HSF2BP: variants seen among roughly 807,000 people sequenced by gnomAD.
HSF2BP encodes heat shock factor 2-binding protein.
HSF2BP carries 35 observed loss-of-function variants against 35.0 expected under a neutral mutation model. The observed-to-expected ratio is 1.00, with a 90% CI of 0.76 to 1.32. The LOEUF is 1.32. HSF2BP is among the 40% of genes most tolerant of loss of function. The probability of loss-of-function intolerance (pLI) is 0.00; values close to 1 mark genes in which losing one functional copy is unlikely to be tolerated. For synonymous variants in HSF2BP, 114 were observed against 117.4 expected (o/e 0.97, Z 0.18); for missense variants, 326 against 321.7 (o/e 1.01, Z -0.10).
intron 7 of HSF2BP, among the ~76,000 whole-genome samples, chr21:43,594,646 G>C (rs1217938857): frequency 6.6e-6 from 1 of 151,558 alleles, no homozygotes; most frequent in East Asian, 1.9e-4. Flanking sequence ...AGACCCTGTT[G>C]AAAGAAAGAA....
chr21:43,620,167 T>C (rs2082315633), intron 6 of HSF2BP, among the ~76,000 whole-genome samples: 1 of 152,188 alleles, frequency 6.6e-6, no homozygotes. Context: ...TAAATACTCT[T>C]TCAATGCAAA....
chr21:43,628,496 A>T (rs1435855361), intron 6 of HSF2BP, among the ~76,000 whole-genome samples: 1 of 152,260 alleles, frequency 6.6e-6, no homozygotes, highest in Non-Finnish European at 1.5e-5. Context: ...GCTGCAGAAG[A>T]AAAGCTGGAA....
At chr21:43,642,874 A>ACTG (rs1225474258) in intron 4 of HSF2BP, among the ~76,000 whole-genome samples, 28 of 137,330 alleles carry the variant, frequency 2.0e-4, no homozygotes, top group African/African-American at 7.8e-4. Context: ...ATTTCGGCTC[A>ACTG]CTGCAACCTC....
chr21:43,576,830 C>G (rs1221820085), intron 8 of HSF2BP, among the ~76,000 whole-genome samples: 1 of 152,130 alleles, frequency 6.6e-6, no homozygotes, highest in African/African-American at 2.4e-5. Context: ...CCTCAATTCC[C>G]AATTTCACTT....
At chr21:43,653,735 T>C (rs2082828173) in intron 3 of HSF2BP, among the ~76,000 whole-genome samples, 1 of 152,076 alleles carries the variant, frequency 6.6e-6, no homozygotes, top group Non-Finnish European at 1.5e-5. Context: ...CAGGCTACAG[T>C]GTGTCTGAGG....
intron 3 of HSF2BP, among the ~76,000 whole-genome samples, chr21:43,651,796 C>T (rs1305388123): frequency 6.6e-6 from 1 of 152,148 alleles, no homozygotes; most frequent in Non-Finnish European, 1.5e-5. Flanking sequence ...TCCCCTTCTC[C>T]TCCTAACAAA....
intron 2 of HSF2BP, 171 bp downstream of exon 2, chr21:43,657,890 C>T: frequency 1.0e-6 from 1 of 985,486 alleles, no homozygotes; most frequent in Non-Finnish European, 1.2e-6. Context: ...GCCTCCCGCC[C>T]CAGGTCTCCA....
Position 43,613,882 on chromosome 21 carries a change from T to C in HSF2BP, c.640A>G (p.Ile214Val). 1.2e-6 allele frequency: 2 copies of C among 1,613,940 alleles called. No individual in the cohort carries two copies. The highest frequency in any genetic ancestry group is 1.7e-6 in the Non-Finnish European group (2 of 1,179,942). Residue 214 changes from isoleucine (I) to valine (V), a missense_variant, in exon 7 of 9, where the codon ATA becomes GTA. Physicochemically the swap from Ile to Val is conservative, Grantham distance 29 (BLOSUM62 3). Coordinates refer to ENST00000291560, the MANE Select transcript of HSF2BP (RefSeq NM_007031.2). ...TTCAAGTCTCCCAGAAGCTGCAATA[T>C]GGTGTCCAAGAGCACCCGGCTTGAA... ...VNSSRVLLDT[I>V]LQLLGDLKPG...
intron 7 of HSF2BP, among the ~76,000 whole-genome samples, chr21:43,606,545 A>G (rs2082137701): frequency 6.6e-6 from 1 of 152,216 alleles, no homozygotes; most frequent in Non-Finnish European, 1.5e-5. Flanking sequence ...AATGTTTACC[A>G]GACAGTCCAC....
rs186940241 is a variant in HSF2BP, at chr21:43,591,271, A to G, written c.796+954T>C. Among the ~76,000 whole-genome samples, 802 of 152,336 alleles carry G rather than the reference A, an allele frequency of 5.3e-3. 3 individuals are homozygous for G. The highest frequency in any genetic ancestry group is 7.7e-3 in the Non-Finnish European group (523 of 68,038). ...TTTTTAAAGAAATTTTAAAACACAC[A>G]CATACTATACATGTGTACTTCTCTT... On this transcript the variant is annotated intron_variant, in intron 8 of 8. Coordinates refer to ENST00000291560, the MANE Select transcript of HSF2BP (RefSeq NM_007031.2).
chr21:43,581,734 C>T (rs1056889574), intron 8 of HSF2BP, among the ~76,000 whole-genome samples: 1 of 152,178 alleles, frequency 6.6e-6, no homozygotes, highest in Non-Finnish European at 1.5e-5. Flanking sequence ...GAGCACACAC[C>T]CACCACTAAA....
Position 43,656,614 on chromosome 21 carries a change from A to G in HSF2BP, c.160T>C (p.Phe54Leu). 1 of 1,609,328 alleles carries G rather than the reference A, an allele frequency of 6.2e-7. No homozygotes were observed. ...RILNGEVLES[F>L]QKLKIVEKNL... ...TTTTCTACAATCTTTAATTTCTGGA[A>G]GCTCTCCAGCACCTCCCCATTTAGT... The change falls in exon 3 of 9, where the codon TTC becomes CTC. Residue 54 changes from phenylalanine to leucine, a missense_variant. Physicochemically the swap from Phe to Leu is conservative, Grantham distance 22 (BLOSUM62 0). Coordinates refer to ENST00000291560, the MANE Select transcript of HSF2BP (RefSeq NM_007031.2).
intron 6 of HSF2BP, among the ~76,000 whole-genome samples, chr21:43,614,978 C>G (rs2082253310): frequency 6.6e-6 from 1 of 152,150 alleles, no homozygotes; most frequent in Non-Finnish European, 1.5e-5. Context: ...TTTCTTCATG[C>G]CTGAGGCCCT....
At chr21:43,657,983 C>A in intron 2 of HSF2BP, 78 bp downstream of exon 2, 1 of 1,529,998 alleles carries the variant, frequency 6.5e-7, no homozygotes, top group Non-Finnish European at 8.7e-7. Context: ...CGTCTCCGAG[C>A]GCACGGGGCG....
chr21:43,589,853 A>T (rs2081904304), intron 8 of HSF2BP, among the ~76,000 whole-genome samples: 1 of 152,204 alleles, frequency 6.6e-6, no homozygotes, highest in Non-Finnish European at 1.5e-5. Flanking sequence ...AACAACAACA[A>T]CAAAAACTCT....
chr21:43,619,731 G>C (rs751433369), intron 6 of HSF2BP, among the ~76,000 whole-genome samples: 4 of 152,242 alleles, frequency 2.6e-5, no homozygotes, highest in Non-Finnish European at 5.9e-5. Context: ...GGGAACCACT[G>C]TAAGTACCTG....
At chr21:43,622,676 T>A (rs1382789962) in intron 6 of HSF2BP, among the ~76,000 whole-genome samples, 1 of 152,026 alleles carries the variant, frequency 6.6e-6, no homozygotes, top group African/African-American at 2.4e-5. Flanking sequence ...TATAAATCAA[T>A]CATTAATAAA....
At chr21:43,637,651 TAA>T (rs1395753083) in intron 4 of HSF2BP, among the ~76,000 whole-genome samples, 1 of 142,034 alleles carries the variant, frequency 7.0e-6, no homozygotes, top group Admixed American at 7.0e-5. Context: ...TACAAAAACT[TAA>T]AAAAAAAAAA....
At chr21:43,618,662 C>T (rs1028143884) in intron 6 of HSF2BP, among the ~76,000 whole-genome samples, 7 of 151,906 alleles carry the variant, frequency 4.6e-5, no homozygotes, top group African/African-American at 7.3e-5. Flanking sequence ...GCTGGCCGGG[C>T]GCAGTGGCTC....
Sources: gnomAD v4.1 joint callset for allele counts (sites outside exome capture counted in the v4.1 genomes callset) on GRCh38, gnomAD v4.1.1 for gene constraint, MANE v1.5 for transcripts, NCBI Gene and HGNC (gene_info 2026-07-23, HGNC 2026-07-21) for gene names.